COL19A1: variants seen among roughly 807,000 people sequenced by gnomAD.
COL19A1 encodes the protein collagen type XIX alpha 1 chain.
Under a neutral mutation model 190.2 loss-of-function variants are expected in COL19A1, and 159 were observed. The ratio of observed to expected loss-of-function variants is 0.84; its 90% CI spans 0.73 to 0.95. COL19A1 has a LOEUF of 0.95. Among genes scored for constraint, COL19A1 ranks in the 40% least tolerant of loss-of-function variants. The pLI, the probability that COL19A1 is intolerant of heterozygous loss-of-function variation, is 0.00. For synonymous variants in COL19A1, 509 were observed against 458.9 expected (o/e 1.11, Z -1.39); for missense variants, 1,418 against 1,431.9 (o/e 0.99, Z 0.16).
chr6:70,043,973 A>G (rs949438478), intron 14 of COL19A1, among the ~76,000 whole-genome samples: 74 of 152,218 alleles, frequency 4.9e-4, no homozygotes, highest in Non-Finnish European at 2.1e-4. Flanking sequence ...TTGACATTGA[A>G]AACTCGTTGC....
intron 14 of COL19A1, among the ~76,000 whole-genome samples, chr6:70,041,013 A>T (rs1168850643): frequency 6.6e-6 from 1 of 152,176 alleles, no homozygotes; most frequent in Non-Finnish European, 1.5e-5. Flanking sequence ...TTTTTTAAAC[A>T]AAATTTCATA....
intron 19 of COL19A1, among the ~76,000 whole-genome samples, chr6:70,139,497 A>G (rs994504992): frequency 6.6e-6 from 1 of 151,928 alleles, no homozygotes; most frequent in South Asian, 2.1e-4. Flanking sequence ...CACCCCATAC[A>G]TCTTTACTTG....
chr6:69,921,379 T>TATATATCATATATATCATATATATC (rs1561997786), intron 4 of COL19A1, among the ~76,000 whole-genome samples: 37 of 111,396 alleles, frequency 3.3e-4, no homozygotes, highest in African/African-American at 1.5e-3. Context: ...ATATATATCA[T>TATATATCATATATATCATATATATC]ATATATCATA....
chr6:69,989,221 G>T (rs1776472748), intron 11 of COL19A1, among the ~76,000 whole-genome samples: 1 of 152,090 alleles, frequency 6.6e-6, no homozygotes, highest in African/African-American at 2.4e-5. Flanking sequence ...CAATGCCGGG[G>T]TTCTACTCAA....
intron 15 of COL19A1, among the ~76,000 whole-genome samples, chr6:70,094,040 TG>T: frequency 6.6e-6 from 1 of 152,208 alleles, no homozygotes; most frequent in Non-Finnish European, 1.5e-5. Flanking sequence ...GAGAGTCACT[TG>T]TCAGATCCCT....
chr6:69,893,564 A>G (rs893866391), intron 2 of COL19A1, among the ~76,000 whole-genome samples: 2 of 152,182 alleles, frequency 1.3e-5, no homozygotes, highest in African/African-American at 4.8e-5. Flanking sequence ...AACCCTGTAT[A>G]TTGTGACTTA....
intron 4 of COL19A1, among the ~76,000 whole-genome samples, chr6:69,923,577 G>C (rs1179008356): frequency 6.6e-6 from 1 of 152,174 alleles, no homozygotes; most frequent in Non-Finnish European, 1.5e-5. Flanking sequence ...TGAGGCAGGA[G>C]TTATAACTGG....
At chr6:69,996,718 A>G (rs938421184) in intron 11 of COL19A1, among the ~76,000 whole-genome samples, 4 of 152,112 alleles carry the variant, frequency 2.6e-5, no homozygotes, top group African/African-American at 7.2e-5. Flanking sequence ...GATTTACATT[A>G]CTGAAAAACT....
At chr6:69,944,146 T>G in intron 9 of COL19A1, among the ~76,000 whole-genome samples, 1 of 152,134 alleles carries the variant, frequency 6.6e-6, no homozygotes, top group East Asian at 1.9e-4. Context: ...TTCACATCAT[T>G]TAGGCCCTTG....
intron 14 of COL19A1, among the ~76,000 whole-genome samples, chr6:70,057,314 C>T (rs1354483365): frequency 6.6e-6 from 1 of 152,028 alleles, no homozygotes; most frequent in Non-Finnish European, 1.5e-5. Flanking sequence ...CAATTTTTTA[C>T]TTGTCAACAA....
At chr6:70,125,160 G>T (rs1457558245) in intron 17 of COL19A1, among the ~76,000 whole-genome samples, 1 of 152,200 alleles carries the variant, frequency 6.6e-6, no homozygotes, top group Non-Finnish European at 1.5e-5. Flanking sequence ...GAGAAGTGGG[G>T]CCTGAGTGAA....
intron 48 of COL19A1, among the ~76,000 whole-genome samples, chr6:70,198,077 T>A (rs1200228736): frequency 6.6e-6 from 1 of 152,238 alleles, no homozygotes; most frequent in Non-Finnish European, 1.5e-5. Flanking sequence ...AAAAGATACA[T>A]ATCTGTTTAA....
intron 12 of COL19A1, among the ~76,000 whole-genome samples, chr6:70,028,009 C>T (rs1402369593): frequency 6.6e-6 from 1 of 152,052 alleles, no homozygotes; most frequent in Non-Finnish European, 1.5e-5. Flanking sequence ...CCTCTCTGTG[C>T]CTCAGTTTCC....
intron 4 of COL19A1, among the ~76,000 whole-genome samples, chr6:69,921,534 G>GTATATTCATATATATTCATA (rs1771930296): frequency 1.7e-5 from 1 of 58,110 alleles, no homozygotes; most frequent in Non-Finnish European, 3.1e-5. Context: ...ATATATTCAT[G>GTATATTCATATATATTCATA]TATATTCATA....
At chr6:69,942,893 T>A (rs1396999728) in intron 9 of COL19A1, among the ~76,000 whole-genome samples, 4 of 152,126 alleles carry the variant, frequency 2.6e-5, no homozygotes, top group Non-Finnish European at 5.9e-5. Flanking sequence ...CCATACTTAT[T>A]TCCTTTCCTT....
chr6:70,205,874 A>C (rs927577660), intron 49 of COL19A1, among the ~76,000 whole-genome samples: 6 of 152,196 alleles, frequency 3.9e-5, no homozygotes, highest in Non-Finnish European at 8.8e-5. Context: ...AAAATATCTT[A>C]AGTTGATGAA....
chr6:70,113,758 C>G (rs941346192), intron 16 of COL19A1, among the ~76,000 whole-genome samples: 5 of 151,046 alleles, frequency 3.3e-5, no homozygotes, highest in African/African-American at 1.2e-4. Context: ...TTCCTTGTGT[C>G]TCTGTGTTGT....
At chr6:70,135,025 C>T (rs900751245) in intron 18 of COL19A1, among the ~76,000 whole-genome samples, 5 of 152,158 alleles carry the variant, frequency 3.3e-5, no homozygotes, top group Non-Finnish European at 5.9e-5. Context: ...CTTATGACCC[C>T]GTCCGCGGCA....
At chr6:69,955,231 A>G (rs1774339091) in intron 9 of COL19A1, among the ~76,000 whole-genome samples, 1 of 152,154 alleles carries the variant, frequency 6.6e-6, no homozygotes, top group Non-Finnish European at 1.5e-5. Context: ...AGTGGGTTCT[A>G]CAACATTGAC....
Sources: gnomAD v4.1 joint callset for allele counts (sites outside exome capture counted in the v4.1 genomes callset) on GRCh38, gnomAD v4.1.1 for gene constraint, MANE v1.5 for transcripts, NCBI Gene and HGNC (gene_info 2026-07-23, HGNC 2026-07-21) for gene names.